NR2C2: variants seen among roughly 807,000 people sequenced by gnomAD.
NR2C2 encodes the protein nuclear receptor subfamily 2 group C member 2.
NR2C2 carries 6 observed loss-of-function variants against 62.9 expected under a neutral mutation model. The observed-to-expected ratio is 0.10, with a 90% CI of 0.05 to 0.19. NR2C2 has a LOEUF of 0.19. Among genes scored for constraint, NR2C2 ranks in the 10% least tolerant of loss-of-function variants. The pLI, the probability that NR2C2 is intolerant of heterozygous loss-of-function variation, is 1.00. For missense variants in NR2C2, 479 were observed against 762.7 expected, an observed-to-expected ratio of 0.63 and a Z score of 4.38; for synonymous variants, 272 against 273.8, an observed-to-expected ratio of 0.99 and a Z score of 0.07.
chr3:14,978,798 G>T (rs2040280418), intron 1 of NR2C2, among the ~76,000 whole-genome samples: 1 of 152,080 alleles, frequency 6.6e-6, no homozygotes, highest in Non-Finnish European at 1.5e-5. Flanking sequence ...GATGTCTCAG[G>T]GTCTGGGACC....
At chr3:14,970,300 TTTTTG>T (rs1031158950) in intron 1 of NR2C2, among the ~76,000 whole-genome samples, 32 of 152,088 alleles carry the variant, frequency 2.1e-4, no homozygotes, top group Admixed American at 7.9e-4. Context: ...ATGAATTCTT[TTTTTG>T]TTTTGTTTTG....
chr3:15,038,279 T>C, intron 12 of NR2C2, 142 bp downstream of exon 12: 1 of 827,834 alleles, frequency 1.2e-6, no homozygotes. Context: ...GGTGTTTTGC[T>C]AGATAAATAC....
intron 1 of NR2C2, among the ~76,000 whole-genome samples, chr3:14,963,952 T>C (rs1312501629): frequency 6.6e-6 from 1 of 152,102 alleles, no homozygotes; most frequent in Non-Finnish European, 1.5e-5. Flanking sequence ...TGGTTAATAT[T>C]AACTGAAAAT....
chr3:15,035,617 G>A (rs767201230), intron 11 of NR2C2, among the ~76,000 whole-genome samples: 2 of 152,258 alleles, frequency 1.3e-5, no homozygotes, highest in Non-Finnish European at 2.9e-5. Flanking sequence ...GGCACAGGCT[G>A]GGTGCAGTGG....
chr3:15,015,087 CG>C (rs2041471429), intron 3 of NR2C2, among the ~76,000 whole-genome samples: 1 of 152,158 alleles, frequency 6.6e-6, no homozygotes, highest in African/African-American at 2.4e-5. Context: ...CTTCCTTTCC[CG>C]GAGTACATTG....
intron 1 of NR2C2, among the ~76,000 whole-genome samples, chr3:14,957,278 C>T (rs1046209175): frequency 2.6e-5 from 4 of 152,104 alleles, no homozygotes; most frequent in Non-Finnish European, 5.9e-5. Context: ...AAGGCAGCGT[C>T]TCCTTGTCCC....
intron 2 of NR2C2, among the ~76,000 whole-genome samples, chr3:15,007,997 T>C (rs1258958066): frequency 2.6e-5 from 4 of 152,084 alleles, no homozygotes; most frequent in Non-Finnish European, 2.9e-5. Flanking sequence ...TTCTCGGGTG[T>C]TTACAGTGAA....
intron 7 of NR2C2, among the ~76,000 whole-genome samples, chr3:15,027,251 G>A (rs2041849160): frequency 2.0e-5 from 3 of 152,198 alleles, no homozygotes; most frequent in South Asian, 4.1e-4. Context: ...TGCCTGCCTC[G>A]GCCTCCCAAA....
At chr3:14,973,610 A>G (rs1338087859) in intron 1 of NR2C2, among the ~76,000 whole-genome samples, 1 of 151,208 alleles carries the variant, frequency 6.6e-6, no homozygotes, top group African/African-American at 2.4e-5. Flanking sequence ...GTTATACGGT[A>G]TTGTATAAGG....
chr3:14,951,674 C>T (rs1458095601), intron 1 of NR2C2, among the ~76,000 whole-genome samples: 3 of 151,944 alleles, frequency 2.0e-5, no homozygotes, highest in African/African-American at 4.8e-5. Flanking sequence ...AGTTTTGTTT[C>T]GTGATCATTC....
chr3:15,042,325 AC>A (rs1328254987), intron 13 of NR2C2: 1 of 152,318 alleles, frequency 6.6e-6, no homozygotes, highest in Non-Finnish European at 1.5e-5. Flanking sequence ...AGAAAAAATC[AC>A]CTCAAATCCC....
At position 14,953,921 on chromosome 3, in the gene NR2C2, C is replaced by T. The variant is rs549591633; in HGVS notation, c.-40+6015C>T. On this transcript the variant is annotated intron_variant, in intron 1 of 13. Coordinates refer to ENST00000425241, the MANE Select transcript of NR2C2 (RefSeq NM_001291694.2). ...AAAAAAAAAAAAAAAACAACTGAGG[C>T]TGGATGGCTCTTGAGAAGTTACACA... Among the ~76,000 whole-genome samples, 3 of 150,116 alleles carry T rather than the reference C, an allele frequency of 2.0e-5. No homozygotes were observed. The East Asian group carries it at 5.8e-4, about 29-fold the overall frequency.
chr3:14,971,156 C>T (rs990736083), intron 1 of NR2C2, among the ~76,000 whole-genome samples: 7 of 151,994 alleles, frequency 4.6e-5, no homozygotes, highest in Admixed American at 2.6e-4. Context: ...TCTTGCTCTG[C>T]GCCCAGGCTG....
chr3:14,993,228 C>A (rs535436128), intron 1 of NR2C2, among the ~76,000 whole-genome samples: 1 of 152,058 alleles, frequency 6.6e-6, no homozygotes, highest in African/African-American at 2.4e-5. Flanking sequence ...CCAAGACAGG[C>A]GGATCACCTG....
intron 1 of NR2C2, among the ~76,000 whole-genome samples, chr3:14,987,621 C>T (rs2125352427): frequency 6.6e-6 from 1 of 152,284 alleles, no homozygotes; most frequent in South Asian, 2.1e-4. Context: ...CTTACTCGTA[C>T]TTGTCTTCCT....
At chr3:15,041,183 C>T (rs1245314112) in intron 13 of NR2C2, among the ~76,000 whole-genome samples, 1 of 152,156 alleles carries the variant, frequency 6.6e-6, no homozygotes, top group East Asian at 1.9e-4. Flanking sequence ...ATCCTGTTTG[C>T]ATATTCATTT....
chr3:14,956,254 C>A (rs1161829247), intron 1 of NR2C2, among the ~76,000 whole-genome samples: 1 of 152,158 alleles, frequency 6.6e-6, no homozygotes, highest in Non-Finnish European at 1.5e-5. Context: ...AAGTTTCAAG[C>A]TATGTATTTC....
At chr3:15,029,034 G>A (rs148340602) in intron 8 of NR2C2, among the ~76,000 whole-genome samples, 170 of 151,830 alleles carry the variant, frequency 1.1e-3, no homozygotes, top group African/African-American at 3.7e-3. Context: ...TTAATAATGC[G>A]TCTGCATATT....
chr3:15,035,190 G>C (rs1209472811), intron 11 of NR2C2, among the ~76,000 whole-genome samples: 1 of 152,166 alleles, frequency 6.6e-6, no homozygotes. Flanking sequence ...ATACTCAGGA[G>C]GCTGAGGCAG....
Sources: allele counts gnomAD v4.1 joint callset (sites outside exome capture counted in the v4.1 genomes callset), GRCh38; gene constraint gnomAD v4.1.1; transcripts MANE v1.5; gene names NCBI Gene and HGNC (gene_info 2026-07-23, HGNC 2026-07-21).